Variants in PTCSC3 observed in about 807,000 individuals in gnomAD.
PTCSC3 encodes the protein papillary thyroid carcinoma susceptibility candidate 3 (non-protein coding).
rs560807145 is a variant in PTCSC3, at chr14:36,171,299, G to A, written n.171+4999C>T. On this transcript the variant is annotated intron_variant and non_coding_transcript_variant, in intron 1 of 3. Transcript: ENST00000556013. The stretch of plus-strand genomic sequence containing the variant: ...ATCTAGCTGCCATTCTTTTGAGGTA[G>A]CAGATACTAAAATAGCATGATATAA... 3.2e-4 allele frequency among the ~76,000 whole-genome samples: 49 copies of A among 152,222 alleles called. No homozygotes were observed. In the South Asian group the frequency reaches 9.5e-3, roughly 30 times the overall value.
At position 36,162,258 on chromosome 14, in the gene PTCSC3, GAAAAAAA is replaced by G. The variant is rs58223160; in HGVS notation, n.231+359_231+365del. ...GCGTTCCAGGAGCTGCTGGGGTATG[GAAAAAAA>G]AAAAAAAAAAAAAAAAAAAACTCCT... On this transcript the variant is annotated intron_variant and non_coding_transcript_variant, in intron 2 of 3. Transcript: ENST00000556013. Among the ~76,000 whole-genome samples the G allele has an allele frequency of 4.5e-3, 475 of 106,526 alleles. 7 individuals carry two copies. Among genetic ancestry groups the G allele is most frequent in the Admixed American group, 8.5e-3 (83 of 9,756 alleles). 69.9% of individuals were successfully genotyped at this position (106,526 alleles called of 152,430 possible).
At chr14:36,142,198 A>G (rs985368539) in intron 3 of PTCSC3, among the ~76,000 whole-genome samples, 2 of 152,182 alleles carry the variant, frequency 1.3e-5, no homozygotes, top group Admixed American at 1.3e-4. Flanking sequence ...AAGTTTTCTT[A>G]AATTTTTAAT....
chr14:36,164,757 A>T (rs1882051542), intron 1 of PTCSC3, among the ~76,000 whole-genome samples: 1 of 152,216 alleles, frequency 6.6e-6, no homozygotes, highest in Non-Finnish European at 1.5e-5. Flanking sequence ...GCCAGGAGAC[A>T]TCAGAACCAT....
intron 3 of PTCSC3, among the ~76,000 whole-genome samples, chr14:36,151,783 G>A (rs1881729977): frequency 6.6e-6 from 1 of 152,174 alleles, no homozygotes; most frequent in Non-Finnish European, 1.5e-5. Context: ...CTTTGTTATA[G>A]AGGACAGAAT....
intron 1 of PTCSC3, among the ~76,000 whole-genome samples, chr14:36,174,108 T>C (rs1222302220): frequency 6.6e-6 from 1 of 152,148 alleles, no homozygotes; most frequent in African/African-American, 2.4e-5. Context: ...TTGAAATTCT[T>C]ATATGTGTAA....
intron 1 of PTCSC3, among the ~76,000 whole-genome samples, chr14:36,166,440 A>G (rs1594456234): frequency 6.6e-6 from 1 of 152,204 alleles, no homozygotes; most frequent in African/African-American, 2.4e-5. Flanking sequence ...TCCTTTATAA[A>G]AAGTTCAAAT....
chr14:36,176,202 C>T (rs1239961264), intron 1 of PTCSC3: 2 of 152,094 alleles, frequency 1.3e-5, no homozygotes, highest in East Asian at 3.9e-4. Flanking sequence ...TTGGGTGAAA[C>T]ATCAAAGATG....
intron 1 of PTCSC3, among the ~76,000 whole-genome samples, chr14:36,172,909 T>C (rs1478583872): frequency 6.6e-6 from 1 of 152,150 alleles, no homozygotes; most frequent in Admixed American, 6.6e-5. Context: ...CATAAAGTAA[T>C]TGGCTCTTGT....
chr14:36,162,769 T>A (rs1350312915), intron 1 of PTCSC3: 1 of 152,240 alleles, frequency 6.6e-6, no homozygotes. Context: ...TCATCGTTCC[T>A]GATTTAGGGG....
At chr14:36,140,544 T>C (rs891343634) in intron 3 of PTCSC3, among the ~76,000 whole-genome samples, 2 of 152,334 alleles carry the variant, frequency 1.3e-5, no homozygotes, top group Admixed American at 6.5e-5. Context: ...TTCTAATCCA[T>C]GTGCAGTAGT....
At chr14:36,163,054 A>G (rs1195691777) in intron 1 of PTCSC3, among the ~76,000 whole-genome samples, 3 of 151,880 alleles carry the variant, frequency 2.0e-5, no homozygotes, top group Non-Finnish European at 4.4e-5. Flanking sequence ...ATCTGAAGCA[A>G]GAGTACTTGT....
intron 1 of PTCSC3, chr14:36,165,062 G>T (rs933074726): frequency 6.6e-6 from 1 of 152,302 alleles, no homozygotes. Flanking sequence ...ATAAAGAGCC[G>T]CAGTGGTCCA....
At chr14:36,142,177 T>C (rs922487853) in intron 3 of PTCSC3, among the ~76,000 whole-genome samples, 1 of 152,212 alleles carries the variant, frequency 6.6e-6, no homozygotes, top group African/African-American at 2.4e-5. Flanking sequence ...ATATTCCTTA[T>C]CAAGCTGAAA....
chr14:36,173,387 A>G (rs1882223747), intron 1 of PTCSC3, among the ~76,000 whole-genome samples: 1 of 152,172 alleles, frequency 6.6e-6, no homozygotes, highest in South Asian at 2.1e-4. Flanking sequence ...TCTTTTGGAC[A>G]AAGGAAAAGT....
chr14:36,140,392 G>A (rs1274729164), intron 3 of PTCSC3, among the ~76,000 whole-genome samples: 8 of 152,144 alleles, frequency 5.3e-5, no homozygotes, highest in African/African-American at 1.7e-4. Context: ...TATTAAGTCC[G>A]TGTTTACCTT....
At chr14:36,158,444 T>G (rs1881877670) in intron 2 of PTCSC3, among the ~76,000 whole-genome samples, 1 of 152,322 alleles carries the variant, frequency 6.6e-6, no homozygotes, top group South Asian at 2.1e-4. Context: ...ACGTGGTTCA[T>G]TGAGAGTTTT....
chr14:36,154,834 T>A (rs568735133), intron 2 of PTCSC3, among the ~76,000 whole-genome samples: 1 of 152,342 alleles, frequency 6.6e-6, no homozygotes, highest in South Asian at 2.1e-4. Flanking sequence ...TAAATAATTT[T>A]AATTGTTATG....
chr14:36,161,930 C>A (rs1173251614), intron 2 of PTCSC3, among the ~76,000 whole-genome samples: 1 of 152,224 alleles, frequency 6.6e-6, no homozygotes, highest in Non-Finnish European at 1.5e-5. Flanking sequence ...TCTGGAGACG[C>A]AGTCTGGCTG....
chr14:36,174,017 TTTTC>T (rs1466171185), intron 1 of PTCSC3, among the ~76,000 whole-genome samples: 1 of 152,172 alleles, frequency 6.6e-6, no homozygotes, highest in Non-Finnish European at 1.5e-5. Flanking sequence ...TTAAGATTTT[TTTTC>T]TTTATCTTGG....
Sources: gnomAD v4.1 joint callset for allele counts (sites outside exome capture counted in the v4.1 genomes callset) on GRCh38, gnomAD v4.1.1 for gene constraint, MANE v1.5 for transcripts, NCBI Gene and HGNC (gene_info 2026-07-23, HGNC 2026-07-21) for gene names.